ARID4B: variants seen among roughly 807,000 people sequenced by gnomAD.
ARID4B encodes the protein AT-rich interaction domain 4B.
ARID4B carries 26 observed loss-of-function variants against 147.5 expected under a neutral mutation model. The ratio of observed to expected loss-of-function variants is 0.18; its 90% CI spans 0.13 to 0.24. The LOEUF is 0.24. ARID4B is among the 10% of genes least tolerant of loss of function. The probability of loss-of-function intolerance (pLI) is 1.00; values close to 1 mark genes in which losing one functional copy is unlikely to be tolerated. For missense variants in ARID4B, 1,179 were observed against 1,511.5 expected (o/e 0.78, Z 3.65); for synonymous variants, 512 against 507.9 (o/e 1.01, Z -0.11).
intron 2 of ARID4B, among the ~76,000 whole-genome samples, chr1:235,309,587 C>T (rs1170858468): frequency 1.4e-5 from 2 of 147,412 alleles, no homozygotes; most frequent in Admixed American, 6.7e-5. Context: ...CCGCCCCGTC[C>T]GGGAGGTGAG....
At chr1:235,236,895 A>G (rs139307751) in intron 8 of ARID4B, among the ~76,000 whole-genome samples, 9 of 50,624 alleles carry the variant, frequency 1.8e-4, no homozygotes, top group African/African-American at 3.9e-4. Context: ...TTTTTGAGAT[A>G]AAAGTCTTGC....
intron 6 of ARID4B, among the ~76,000 whole-genome samples, chr1:235,248,127 C>G (rs1030606484): frequency 6.6e-6 from 1 of 152,170 alleles, no homozygotes. Flanking sequence ...TCATTGCTCA[C>G]TGCAGCCTCA....
chr1:235,218,256 A>C (rs947776933), intron 16 of ARID4B, among the ~76,000 whole-genome samples: 3 of 152,192 alleles, frequency 2.0e-5, no homozygotes, highest in Non-Finnish European at 4.4e-5. Flanking sequence ...ATACTAATAA[A>C]TATCTGTAGT....
At chr1:235,302,153 G>GAAAAAAAAAAAAAAAAA (rs749154889) in intron 2 of ARID4B, among the ~76,000 whole-genome samples, 4 of 30,654 alleles carry the variant, frequency 1.3e-4, no homozygotes, top group East Asian at 9.3e-4. Context: ...TCAAAAAACG[G>GAAAAAAAAAAAAAAAAA]AAAAAAAAAA....
chr1:235,197,224 G>A (rs1207737252), intron 17 of ARID4B, among the ~76,000 whole-genome samples: 6 of 152,022 alleles, frequency 3.9e-5, no homozygotes, highest in African/African-American at 1.4e-4. Context: ...CTCTTTTTGT[G>A]TTCAAAGTTA....
At chr1:235,302,273 A>AGGGG (rs747777831) in intron 2 of ARID4B, among the ~76,000 whole-genome samples, 1 of 86,558 alleles carries the variant, frequency 1.2e-5, no homozygotes, top group Non-Finnish European at 2.2e-5. Flanking sequence ...AAAGGGAGGG[A>AGGGG]GGGGAGGAAG....
intron 2 of ARID4B, among the ~76,000 whole-genome samples, chr1:235,276,265 C>T (rs1481226766): frequency 1.3e-5 from 2 of 148,934 alleles, no homozygotes; most frequent in South Asian, 2.1e-4. Flanking sequence ...ACATTAGTAG[C>T]ATTAGCAAAC....
chr1:235,221,884 CTAT>C (rs1667487615), intron 13 of ARID4B, among the ~76,000 whole-genome samples: 4 of 78,552 alleles, frequency 5.1e-5, no homozygotes, highest in Non-Finnish European at 9.8e-5. Flanking sequence ...AGTCATTTGA[CTAT>C]TTTTTTTTTT....
chr1:235,250,929 G>A (rs1352043162), intron 6 of ARID4B, among the ~76,000 whole-genome samples: 1 of 152,036 alleles, frequency 6.6e-6, no homozygotes, highest in African/African-American at 2.4e-5. Context: ...ATAAAATGCA[G>A]ACCTTCACTT....
chr1:235,236,860 ATATTTTTTTTT>A (rs1304868500), intron 8 of ARID4B, among the ~76,000 whole-genome samples: 1 of 20,410 alleles, frequency 4.9e-5, no homozygotes, highest in African/African-American at 1.4e-4. Context: ...ATATATATAT[ATATTTTTTTTT>A]TTTTTTTTTT....
chr1:235,230,384 G>A (rs1398958101), intron 10 of ARID4B, among the ~76,000 whole-genome samples: 1 of 150,836 alleles, frequency 6.6e-6, no homozygotes, highest in Non-Finnish European at 1.5e-5. Flanking sequence ...ACTGCAACCT[G>A]GGCGACAGAG....
At chr1:235,305,356 C>T (rs995294902) in intron 2 of ARID4B, among the ~76,000 whole-genome samples, 5 of 152,168 alleles carry the variant, frequency 3.3e-5, no homozygotes, top group African/African-American at 9.7e-5. Context: ...AAAACTCCTC[C>T]CTCTCGATAC....
chr1:235,203,511 T>C (rs933329528), intron 17 of ARID4B, among the ~76,000 whole-genome samples: 1 of 152,164 alleles, frequency 6.6e-6, no homozygotes, highest in African/African-American at 2.4e-5. Flanking sequence ...GAAACCTCAC[T>C]CTTTGAAATA....
intron 17 of ARID4B, among the ~76,000 whole-genome samples, chr1:235,203,037 C>T (rs1666058685): frequency 6.6e-6 from 1 of 152,146 alleles, no homozygotes. Context: ...GAAGACAATA[C>T]TAAACAGTAA....
intron 7 of ARID4B, among the ~76,000 whole-genome samples, chr1:235,245,676 T>C (rs1669254717): frequency 6.6e-6 from 1 of 152,208 alleles, no homozygotes; most frequent in Admixed American, 6.5e-5. Flanking sequence ...TAAATGAAAC[T>C]GTTACATACT....
In ARID4B at chr1:235,271,084, G is replaced by A. The variant is rs529878568; in HGVS notation, c.7-10332C>T. Among the ~76,000 whole-genome samples, 8 of 152,192 alleles carry A rather than the reference G, an allele frequency of 5.3e-5. No homozygotes were observed. The South Asian group carries it at 1.7e-3, about 32-fold the overall frequency. ...AAAAAAAATCCTTAAAATCCCTACT[G>A]GGCCAGTCCTGTAATCCCAGCACTT... is the stretch of plus-strand genomic sequence containing the variant. On this transcript the variant is annotated intron_variant, in intron 2 of 23. Transcript: ENST00000264183.
intron 2 of ARID4B, among the ~76,000 whole-genome samples, chr1:235,286,327 C>T (rs1428778094): frequency 6.6e-6 from 1 of 152,188 alleles, no homozygotes; most frequent in African/African-American, 2.4e-5. Flanking sequence ...AGCCATCGCA[C>T]CCAGGCTTAT....
At chr1:235,305,943 G>T (rs1485000825) in intron 2 of ARID4B, among the ~76,000 whole-genome samples, 1 of 152,186 alleles carries the variant, frequency 6.6e-6, no homozygotes, top group African/African-American at 2.4e-5. Flanking sequence ...CCAGGCAACA[G>T]AGCAAGAAAC....
intron 2 of ARID4B, among the ~76,000 whole-genome samples, chr1:235,315,474 GTAA>G (rs1160566689): frequency 6.6e-6 from 1 of 152,172 alleles, no homozygotes; most frequent in Non-Finnish European, 1.5e-5. Context: ...TATAGTGTAA[GTAA>G]TCTCACACAT....
Sources: allele counts gnomAD v4.1 joint callset (sites outside exome capture counted in the v4.1 genomes callset), GRCh38; gene constraint gnomAD v4.1.1; transcripts MANE v1.5; gene names NCBI Gene and HGNC (gene_info 2026-07-23, HGNC 2026-07-21).